FSD1L: variants seen among roughly 807,000 people sequenced by gnomAD.
The protein encoded by FSD1L is fibronectin type III and SPRY domain containing 1 like, also known as FSD1-like protein.
Under a neutral mutation model 71.6 loss-of-function variants are expected in FSD1L, and 45 were observed. The ratio of observed to expected loss-of-function variants is 0.63; its 90% CI spans 0.49 to 0.81. The LOEUF (loss-of-function observed/expected upper bound fraction) is 0.81, where lower values mean the gene tolerates loss of function less well. Ranked by LOEUF, FSD1L falls within the 30% of genes least tolerant of loss-of-function variation. The pLI, the probability that FSD1L is intolerant of heterozygous loss-of-function variation, is 0.00. For missense variants in FSD1L, 561 were observed against 618.1 expected (o/e 0.91, Z 0.98); for synonymous variants, 197 against 207.2 (o/e 0.95, Z 0.42).
intron 1 of FSD1L, among the ~76,000 whole-genome samples, chr9:105,450,744 G>T (rs1829943877): frequency 6.6e-6 from 1 of 151,640 alleles, no homozygotes; most frequent in Non-Finnish European, 1.5e-5. Context: ...ATGATGGCCA[G>T]CTGGTCTCAA....
intron 10 of FSD1L, chr9:105,526,139 A>T: frequency 6.4e-7 from 1 of 1,568,198 alleles, no homozygotes; most frequent in Non-Finnish European, 8.8e-7. Context: ...GCTATTGTGA[A>T]TGGAAAGGTT....
chr9:105,520,885 T>C (rs1175165525), intron 10 of FSD1L: 14 of 1,612,142 alleles, frequency 8.7e-6, no homozygotes, highest in Non-Finnish European at 1.0e-5. Context: ...AGCTATTTTC[T>C]TGAAGCACTT....
intron 12 of FSD1L, among the ~76,000 whole-genome samples, chr9:105,537,849 C>T (rs1415671305): frequency 6.6e-6 from 1 of 152,062 alleles, no homozygotes; most frequent in African/African-American, 2.4e-5. Flanking sequence ...ATAGAAAGCC[C>T]TTAATAAGTG....
At chr9:105,513,604 A>G (rs1181444112) in intron 10 of FSD1L, 3 of 1,533,154 alleles carry the variant, frequency 2.0e-6, no homozygotes, top group East Asian at 2.4e-5. Context: ...GACAGTGTCC[A>G]TGTTACTTCA....
At chr9:105,452,664 TGCCTG>T (rs1564073297) in intron 1 of FSD1L, among the ~76,000 whole-genome samples, 3,370 of 131,148 alleles carry the variant, frequency 0.026, 50 homozygotes, top group East Asian at 0.058. Context: ...CCTGCCTGCC[TGCCTG>T]CCTTCCTTCC....
chr9:105,521,847 A>T, intron 10 of FSD1L: 1 of 1,612,444 alleles, frequency 6.2e-7, no homozygotes, highest in Non-Finnish European at 8.5e-7. Flanking sequence ...GCAGGTGTTT[A>T]TTATAAACTC....
At position 105,552,428 on chromosome 9, in the gene FSD1L, A is replaced by C. The variant is rs1484916973; in HGVS notation, c.*5945A>C. 1 of 151,870 alleles carries C rather than the reference A, an allele frequency of 6.6e-6. No homozygotes were observed. Among genetic ancestry groups the C allele is most frequent in the Non-Finnish European group, 1.5e-5 (1 of 67,960 alleles). The allele number at this position is 151,870 out of a possible 1,614,324, so 9.4% of individuals were successfully genotyped here. A position where few individuals can be genotyped will look rare whatever the true frequency, so the allele number is the denominator to read the frequency against. On this transcript the variant is annotated 3_prime_UTR_variant, in exon 14 of 14. Transcript: ENST00000481272. Reference sequence around the variant, plus strand: ...GGAATATCTCATTAAAAATTTAAAAACTCTTTTCCTGCTCTCTTTTGCTTC... The same window carrying C: ...GGAATATCTCATTAAAAATTTAAAACCTCTTTTCCTGCTCTCTTTTGCTTC...
chr9:105,536,324 C>T (rs1358211445), intron 12 of FSD1L, among the ~76,000 whole-genome samples: 1 of 152,140 alleles, frequency 6.6e-6, no homozygotes, highest in Non-Finnish European at 1.5e-5. Flanking sequence ...ACTTTCTTGC[C>T]CTGTTTTTCC....
At chr9:105,482,614 T>C (rs758987962) in intron 6 of FSD1L, among the ~76,000 whole-genome samples, 1 of 152,230 alleles carries the variant, frequency 6.6e-6, no homozygotes, top group Non-Finnish European at 1.5e-5. Context: ...CATGTCTAAA[T>C]ACATGAAGTT....
chr9:105,475,958 T>G (rs1296130417), intron 5 of FSD1L, among the ~76,000 whole-genome samples: 1 of 152,136 alleles, frequency 6.6e-6, no homozygotes, highest in Non-Finnish European at 1.5e-5. Context: ...AAAATAAGGC[T>G]TTGAGGCTCT....
chr9:105,524,125 G>A, intron 10 of FSD1L: 1 of 1,612,216 alleles, frequency 6.2e-7, no homozygotes. Context: ...CCTGCACGAT[G>A]TGTAGCACTT....
At chr9:105,539,671 G>C (rs1022175652) in intron 13 of FSD1L, among the ~76,000 whole-genome samples, 1 of 152,072 alleles carries the variant, frequency 6.6e-6, no homozygotes, top group Non-Finnish European at 1.5e-5. Flanking sequence ...CCCATTTCCA[G>C]TCCCTAATGG....
intron 10 of FSD1L, among the ~76,000 whole-genome samples, chr9:105,518,246 G>C (rs957848737): frequency 2.6e-5 from 4 of 152,184 alleles, no homozygotes; most frequent in African/African-American, 9.7e-5. Flanking sequence ...ATATTAGACA[G>C]ATCAATGAGA....
chr9:105,545,162 C>T (rs1458116769), intron 13 of FSD1L, among the ~76,000 whole-genome samples: 1 of 150,982 alleles, frequency 6.6e-6, no homozygotes, highest in East Asian at 1.9e-4. Flanking sequence ...AAGTTGGATT[C>T]CTAGGTATTT....
chr9:105,499,219 G>A (rs1472647325), intron 7 of FSD1L, among the ~76,000 whole-genome samples: 1 of 152,132 alleles, frequency 6.6e-6, no homozygotes, highest in African/African-American at 2.4e-5. Context: ...CCCATCACTT[G>A]TATCATTGTT....
At chr9:105,521,666 T>C (rs901006758) in intron 10 of FSD1L, 1 of 1,613,386 alleles carries the variant, frequency 6.2e-7, no homozygotes, top group South Asian at 1.1e-5. Flanking sequence ...TCACAGACCA[T>C]GATATTTCAA....
intron 1 of FSD1L, among the ~76,000 whole-genome samples, chr9:105,460,210 A>T (rs888795983): frequency 6.6e-6 from 1 of 152,194 alleles, no homozygotes; most frequent in Admixed American, 6.5e-5. Context: ...TATGGCTATT[A>T]ATACATCTTA....
At chr9:105,506,937 A>G (rs1033320769) in intron 8 of FSD1L, among the ~76,000 whole-genome samples, 1 of 152,012 alleles carries the variant, frequency 6.6e-6, no homozygotes, top group Non-Finnish European at 1.5e-5. Flanking sequence ...ACACTTAGCT[A>G]ATTTTTGTAT....
At position 105,521,637 on chromosome 9, in the gene FSD1L, C is replaced by A. The variant is rs375337925; in HGVS notation, c.1025+8701C>A. The A allele has an allele frequency of 3.7e-6, 6 of 1,613,086 alleles. No homozygotes were observed. In the Middle Eastern group the frequency reaches 1.0e-3, roughly 280 times the overall value. ...AGAAATTGTGATCACTTCTTCAGAC[C>A]TCCCTTGCATTGAAAATGTCACAGA... On this transcript the variant is annotated intron_variant, in intron 10 of 13. Coordinates refer to ENST00000481272, the MANE Select transcript of FSD1L (RefSeq NM_001145313.3).
Sources: allele counts gnomAD v4.1 joint callset (sites outside exome capture counted in the v4.1 genomes callset), GRCh38; gene constraint gnomAD v4.1.1; transcripts MANE v1.5; gene names NCBI Gene and HGNC (gene_info 2026-07-23, HGNC 2026-07-21).